The following PLCB1 variants were observed in gnomAD, a reference collection of about 807,000 sequenced individuals.
PLCB1 encodes the protein phospholipase C beta 1, also known as 1-phosphatidylinositol 4,5-bisphosphate phosphodiesterase beta-1.
A neutral mutation model predicts 161.8 loss-of-function variants in PLCB1; 46 were observed. The observed-to-expected ratio is 0.28, with a 90% confidence interval of 0.22 to 0.36. The LOEUF (loss-of-function observed/expected upper bound fraction) is 0.36, where lower values mean the gene tolerates loss of function less well. PLCB1 is among the 10% of genes least tolerant of loss of function. The pLI, the probability that PLCB1 is intolerant of heterozygous loss-of-function variation, is 1.00. For synonymous variants in PLCB1, 517 were observed against 503.7 expected (o/e 1.03, Z -0.35); for missense variants, 1,016 against 1,472.5 (o/e 0.69, Z 5.07).
chr20:8,240,193 C>A (rs116235075), intron 2 of PLCB1, among the ~76,000 whole-genome samples: 1,656 of 151,402 alleles, frequency 0.011, 34 homozygotes, highest in African/African-American at 0.037. Flanking sequence ...TCAGTAACTT[C>A]CTCAACACCT....
intron 3 of PLCB1, among the ~76,000 whole-genome samples, chr20:8,612,083 T>A (rs1298364928): frequency 6.6e-6 from 1 of 152,172 alleles, no homozygotes; most frequent in East Asian, 1.9e-4. Context: ...AAAGCATTTA[T>A]CCCTTTGTCC....
chr20:8,270,069 C>T (rs1328642485), intron 2 of PLCB1, among the ~76,000 whole-genome samples: 2 of 152,026 alleles, frequency 1.3e-5, no homozygotes, highest in African/African-American at 4.8e-5. Context: ...GAAAATAATA[C>T]TTTTTAGTAT....
intron 9 of PLCB1, among the ~76,000 whole-genome samples, chr20:8,673,621 CT>C (rs1446393534): frequency 6.6e-6 from 1 of 152,058 alleles, no homozygotes; most frequent in Non-Finnish European, 1.5e-5. Context: ...TCGATGTTTT[CT>C]TCTTAGTCCT....
chr20:8,659,991 CAA>C (rs11482818), intron 9 of PLCB1, among the ~76,000 whole-genome samples: 23 of 109,850 alleles, frequency 2.1e-4, no homozygotes, highest in East Asian at 8.2e-4. Context: ...GACTCTGTCT[CAA>C]AAAAAAAAAA....
At chr20:8,378,674 A>C (rs2122376238) in intron 3 of PLCB1, among the ~76,000 whole-genome samples, 1 of 152,352 alleles carries the variant, frequency 6.6e-6, no homozygotes, top group South Asian at 2.1e-4. Flanking sequence ...TTGCAACATC[A>C]GTTGACTCTT....
chr20:8,214,728 T>A (rs1240730109), intron 2 of PLCB1, among the ~76,000 whole-genome samples: 1 of 152,144 alleles, frequency 6.6e-6, no homozygotes, highest in Non-Finnish European at 1.5e-5. Context: ...TTTTTTCATG[T>A]GATAATATCC....
chr20:8,671,028 A>G (rs1989929691), intron 9 of PLCB1, among the ~76,000 whole-genome samples: 1 of 152,224 alleles, frequency 6.6e-6, no homozygotes, highest in African/African-American at 2.4e-5. Flanking sequence ...TTGAGCAATG[A>G]TGAATGGATT....
chr20:8,689,177 T>A (rs975673355), intron 10 of PLCB1, among the ~76,000 whole-genome samples: 2 of 152,162 alleles, frequency 1.3e-5, no homozygotes, highest in African/African-American at 4.8e-5. Context: ...AGCTACTGAT[T>A]TGAATATATT....
At chr20:8,489,002 G>A (rs1317525248) in intron 3 of PLCB1, among the ~76,000 whole-genome samples, 1 of 152,156 alleles carries the variant, frequency 6.6e-6, no homozygotes, top group African/African-American at 2.4e-5. Context: ...CGGAGATTAG[G>A]AAACATTTTT....
At chr20:8,720,846 ATTT>A (rs35830060) in intron 14 of PLCB1, among the ~76,000 whole-genome samples, 2,030 of 147,406 alleles carry the variant, frequency 0.014, 41 homozygotes, top group African/African-American at 0.039. Context: ...CCCCTCTCTG[ATTT>A]TTTTTTTTTA....
intron 3 of PLCB1, among the ~76,000 whole-genome samples, chr20:8,419,595 G>A (rs1258851759): frequency 1.3e-5 from 2 of 152,184 alleles, no homozygotes; most frequent in East Asian, 1.9e-4. Context: ...CTCCCCAACT[G>A]TAGGCTAATG....
chr20:8,635,034 T>C (rs766387083), intron 4 of PLCB1, among the ~76,000 whole-genome samples: 15 of 152,298 alleles, frequency 9.8e-5, no homozygotes, highest in Middle Eastern at 3.4e-3. Context: ...TCGCTCTATC[T>C]CATGACTTCC....
chr20:8,172,052 C>T lies in PLCB1; in HGVS notation c.177+21681C>T, dbSNP rs563435168. Among the ~76,000 whole-genome samples, 23 of 152,112 alleles carry T rather than the reference C, an allele frequency of 1.5e-4. No homozygotes were observed. In the South Asian group the frequency reaches 2.1e-3, roughly 14 times the overall value. On this transcript the variant is annotated intron_variant, in intron 2 of 31. Coordinates refer to ENST00000338037, the MANE Select transcript of PLCB1 (RefSeq NM_015192.4). ...GCAGTTTGGTGTAACCACTGTAATC[C>T]CAGTAAGCTATGGTTGGGGTCTATG...
At chr20:8,227,239 T>C (rs1293722620) in intron 2 of PLCB1, among the ~76,000 whole-genome samples, 1 of 152,098 alleles carries the variant, frequency 6.6e-6, no homozygotes, top group Non-Finnish European at 1.5e-5. Context: ...AGGTCATGAA[T>C]GAGGAAGCTT....
At chr20:8,704,256 A>G (rs1043851354) in intron 11 of PLCB1, among the ~76,000 whole-genome samples, 2 of 152,084 alleles carry the variant, frequency 1.3e-5, no homozygotes, top group Non-Finnish European at 2.9e-5. Context: ...CTGGGAGCTG[A>G]GGCACAAGAA....
At chr20:8,269,016 T>A (rs1289137826) in intron 2 of PLCB1, among the ~76,000 whole-genome samples, 1 of 148,446 alleles carries the variant, frequency 6.7e-6, no homozygotes, top group East Asian at 2.0e-4. Context: ...TCAGAGAAAA[T>A]GAATTTATCT....
At chr20:8,635,657 T>G (rs545413082) in intron 4 of PLCB1, among the ~76,000 whole-genome samples, 2 of 152,328 alleles carry the variant, frequency 1.3e-5, no homozygotes, top group Non-Finnish European at 2.9e-5. Context: ...GAAAAATAGC[T>G]TCTATTTACC....
At chr20:8,602,405 T>G (rs1987616635) in intron 3 of PLCB1, among the ~76,000 whole-genome samples, 1 of 152,238 alleles carries the variant, frequency 6.6e-6, no homozygotes, top group Non-Finnish European at 1.5e-5. Flanking sequence ...GAAAATTGAA[T>G]TAAGCCCTGA....
At chr20:8,477,103 C>A (rs964649506) in intron 3 of PLCB1, among the ~76,000 whole-genome samples, 1 of 152,142 alleles carries the variant, frequency 6.6e-6, no homozygotes, top group African/African-American at 2.4e-5. Flanking sequence ...AAATCAGAAT[C>A]TCTGGGCATG....
Sources: gnomAD v4.1 joint callset for allele counts (sites outside exome capture counted in the v4.1 genomes callset) on GRCh38, gnomAD v4.1.1 for gene constraint, MANE v1.5 for transcripts, NCBI Gene and HGNC (gene_info 2026-07-23, HGNC 2026-07-21) for gene names.